SHROOM3: variants seen among roughly 807,000 people sequenced by gnomAD.
SHROOM3 encodes shroom family member 3.
SHROOM3 carries 47 observed loss-of-function variants against 138.6 expected under a neutral mutation model. The observed-to-expected ratio is 0.34, with a 90% CI of 0.27 to 0.43. SHROOM3 has a LOEUF of 0.43. SHROOM3 is among the 20% of genes least tolerant of loss of function. The probability of loss-of-function intolerance (pLI) is 1.00; values close to 1 mark genes in which losing one functional copy is unlikely to be tolerated. For synonymous variants in SHROOM3, 1,062 were observed against 1,063.3 expected, an observed-to-expected ratio of 1.00 and a Z score of 0.02; for missense variants, 2,491 against 2,596.5, an observed-to-expected ratio of 0.96 and a Z score of 0.88.
chr4:76,654,828 A>G (rs936607956), intron 2 of SHROOM3, among the ~76,000 whole-genome samples: 1 of 152,188 alleles, frequency 6.6e-6, no homozygotes, highest in Admixed American at 6.5e-5. Flanking sequence ...ATGCTATTAT[A>G]TTAACTTATT....
Position 76,593,409 on chromosome 4 carries a change from A to G in SHROOM3, c.323+37646A>G, listed in dbSNP as rs1047288705. On this transcript the variant is annotated intron_variant, in intron 2 of 10. Coordinates refer to ENST00000296043, the MANE Select transcript of SHROOM3 (RefSeq NM_020859.4). ...AAGGTACCATGTTTTTACCTCTTCA[A>G]CCCAAAGACAGTAAAGAACACAGAT... 1.1e-4 allele frequency among the ~76,000 whole-genome samples: 16 copies of G among 152,204 alleles called. 1 individual carries two copies. Among genetic ancestry groups the G allele is most frequent in the Admixed American group, 1.0e-3 (16 of 15,284 alleles).
chr4:76,581,967 T>G (rs12503111), intron 2 of SHROOM3, among the ~76,000 whole-genome samples: 65,588 of 152,096 alleles, frequency 0.43, 15,413 homozygotes, highest in Middle Eastern at 0.53. Flanking sequence ...AAAAGTGAGA[T>G]GTACAGGACA....
intron 10 of SHROOM3, among the ~76,000 whole-genome samples, chr4:76,775,380 T>C (rs6815123): frequency 0.16 from 24,309 of 151,218 alleles, 2,029 homozygotes; most frequent in South Asian, 0.24. Flanking sequence ...CCTGCAAGAA[T>C]GGCAATAAAA....
chr4:76,716,204 A>G (rs1720367993), intron 3 of SHROOM3: 1 of 444,926 alleles, frequency 2.2e-6, no homozygotes, highest in African/African-American at 2.0e-5. Context: ...TGGCATTGAG[A>G]GTCCCTCCCA....
At chr4:76,750,468 C>T (rs1721584688) in intron 6 of SHROOM3, among the ~76,000 whole-genome samples, 1 of 152,080 alleles carries the variant, frequency 6.6e-6, no homozygotes, top group Non-Finnish European at 1.5e-5. Flanking sequence ...GCATTAAGTA[C>T]ACATGGACAC....
rs1271842443 is a variant in SHROOM3, at chr4:76,741,215, G to T, written c.3042G>T (p.Glu1014Asp). The T allele has an allele frequency of 6.2e-7, 1 of 1,608,578 alleles. No homozygotes were observed. The highest frequency in any genetic ancestry group is 8.5e-7 in the Non-Finnish European group (1 of 1,178,200). ...RRGARRRLTP[E>D]QKKRSYSEPE... ...GTGCTCGCCGGCGCCTGACTCCCGA[G>T]CAGAAGAAGCGCTCCTACTCGGAGC... The change falls in exon 5 of 11, where the codon GAG becomes GAT. Residue 1014 changes from glutamate (E) to aspartate (D), a missense_variant. Physicochemically the swap from Glu to Asp is conservative, Grantham distance 45. Transcript: ENST00000296043. The surrounding 1 kb of genome is among the most constrained non-coding windows in gnomAD (Gnocchi z 6.2).
chr4:76,691,884 G>A (rs1186552174), intron 2 of SHROOM3, among the ~76,000 whole-genome samples: 1 of 152,160 alleles, frequency 6.6e-6, no homozygotes, highest in African/African-American at 2.4e-5. Context: ...AGTTCTGTTC[G>A]AGGATGTTTC....
rs779055308 is a variant in SHROOM3, at chr4:76,741,909, A to G, written c.3736A>G (p.Thr1246Ala). The G allele has an allele frequency of 6.2e-6, 10 of 1,612,216 alleles. No individual in the cohort carries two copies. The East Asian group carries it at 2.0e-4, about 32-fold the overall frequency. ...TGTGAGGTCCAGGTCATCTCCCGCCACCGCAGACAAGCGCCAGGTACGTGC... is the reference window on the plus strand; with the variant it reads ...TGTGAGGTCCAGGTCATCTCCCGCCGCCGCAGACAAGCGCCAGGTACGTGC... ...VHVRSRSSPA[T>A]ADKRQDVLLG... The change falls in exon 5 of 11, where the codon ACC (threonine) becomes GCC (alanine). Residue 1246 changes from threonine to alanine, a missense_variant. Physicochemically the swap from Thr to Ala is moderately conservative, Grantham distance 58. This residue lies in a region of SHROOM3 where 1,733 missense variants were observed against 1,661.6 expected (regional missense o/e 1.04). Coordinates refer to ENST00000296043, the MANE Select transcript of SHROOM3 (RefSeq NM_020859.4). This position sits in a 1 kb window ranked among gnomAD's most constrained non-coding sequence, Gnocchi z 6.2.
intron 1 of SHROOM3, among the ~76,000 whole-genome samples, chr4:76,439,542 TG>T (rs1275752486): frequency 6.6e-6 from 1 of 152,060 alleles, no homozygotes; most frequent in Non-Finnish European, 1.5e-5. Flanking sequence ...TGAAATGTGG[TG>T]GCTGATCATG....
intron 4 of SHROOM3, 73 bp from the exon 5 acceptor site, chr4:76,738,688 G>A (rs965555484): frequency 1.3e-5 from 20 of 1,547,750 alleles, no homozygotes; most frequent in Admixed American, 6.7e-5. Flanking sequence ...ACATTTATAA[G>A]CTGGGTCCTC....
At chr4:76,617,613 G>A (rs909871547) in intron 2 of SHROOM3, among the ~76,000 whole-genome samples, 2 of 152,118 alleles carry the variant, frequency 1.3e-5, no homozygotes, top group Non-Finnish European at 2.9e-5. Flanking sequence ...CTACTTCATT[G>A]CATTACAGAA....
intron 1 of SHROOM3, among the ~76,000 whole-genome samples, chr4:76,538,180 T>C (rs1733022603): frequency 6.6e-6 from 1 of 152,184 alleles, no homozygotes; most frequent in South Asian, 2.1e-4. Context: ...ATTACAGGCG[T>C]GAGCCACTGC....
intron 3 of SHROOM3, among the ~76,000 whole-genome samples, chr4:76,722,985 G>C (rs1392567787): frequency 6.6e-6 from 1 of 151,930 alleles, no homozygotes; most frequent in African/African-American, 2.4e-5. Flanking sequence ...CTTGACTCGG[G>C]TCCAGTTGAT....
intron 1 of SHROOM3, among the ~76,000 whole-genome samples, chr4:76,545,868 T>C (rs1021551498): frequency 2.0e-5 from 3 of 152,218 alleles, no homozygotes; most frequent in Non-Finnish European, 4.4e-5. Context: ...GTGGGATTTA[T>C]ACCTATGTTG....
intron 1 of SHROOM3, among the ~76,000 whole-genome samples, chr4:76,549,872 G>C (rs1307228683): frequency 6.6e-6 from 1 of 152,032 alleles, no homozygotes; most frequent in African/African-American, 2.4e-5. Flanking sequence ...TAGACTAAGA[G>C]TCTACACTTG....
At chr4:76,626,753 T>C (rs975942227) in intron 2 of SHROOM3, among the ~76,000 whole-genome samples, 4 of 152,210 alleles carry the variant, frequency 2.6e-5, no homozygotes, top group African/African-American at 9.6e-5. Context: ...ACCTAGTAAG[T>C]GGCAAATCTA....
chr4:76,717,050 A>T (rs1720395237), intron 3 of SHROOM3, among the ~76,000 whole-genome samples: 1 of 152,230 alleles, frequency 6.6e-6, no homozygotes, highest in African/African-American at 2.4e-5. Flanking sequence ...TTTACCTGAG[A>T]AAGACTTTAC....
At chr4:76,614,276 G>A (rs534229573) in intron 2 of SHROOM3, among the ~76,000 whole-genome samples, 6 of 152,030 alleles carry the variant, frequency 3.9e-5, no homozygotes, top group Admixed American at 3.9e-4. Context: ...GGATGCTTTC[G>A]ATCTGCTTAT....
chr4:76,693,423 G>A (rs1174459503), intron 2 of SHROOM3, among the ~76,000 whole-genome samples: 3 of 116,700 alleles, frequency 2.6e-5, no homozygotes, highest in Admixed American at 2.3e-4. Context: ...TTGCTGTGTT[G>A]CCCAGGCTGG....
Sources: gnomAD v4.1 joint callset for allele counts (sites outside exome capture counted in the v4.1 genomes callset) on GRCh38, gnomAD v4.1.1 for gene constraint, gnomAD v4.1.1 regional missense constraint, Gnocchi (gnomAD v3.1) non-coding constraint, MANE v1.5 for transcripts, NCBI Gene and HGNC (gene_info 2026-07-23, HGNC 2026-07-21) for gene names.